The following GRIFIN variants were observed in gnomAD, a reference collection of about 807,000 sequenced individuals.
GRIFIN encodes galectin-related inter-fiber protein.
Under a neutral mutation model 18.2 loss-of-function variants are expected in GRIFIN, and 22 were observed. The observed-to-expected ratio is 1.21, with a 90% CI of 0.86 to 1.73. The LOEUF (loss-of-function observed/expected upper bound fraction) is 1.73, where lower values mean the gene tolerates loss of function less well. GRIFIN is among the 40% of genes most tolerant of loss of function. The pLI, the probability that GRIFIN is intolerant of heterozygous loss-of-function variation, is 0.00. For synonymous variants in GRIFIN, 101 were observed against 82.8 expected, an observed-to-expected ratio of 1.22 and a Z score of -1.19; for missense variants, 200 against 190.1, an observed-to-expected ratio of 1.05 and a Z score of -0.31.
intron 4 of GRIFIN, 123 bp from the exon 5 acceptor site, chr7:2,475,008 TG>T: frequency 9.6e-7 from 1 of 1,040,254 alleles, no homozygotes; most frequent in Non-Finnish European, 1.4e-6. Context: ...AGGAGCAGGG[TG>T]GGACGCCAGG....
At position 2,475,920 on chromosome 7, in the gene GRIFIN, CT is replaced by C. The variant is rs747443450; in HGVS notation, c.91del (p.Arg31GlyfsTer55). Reference protein sequence around the residue: ...VQGHADSGEDRFETNFLLETG... With the variant: ...VQGHADSGEDXFETNFLLETG... ...GCGAGGGGAGGGCGGTGCCGCTGAC[CT>C]GTCCTCTCCAGAGTCAGCATGTCCC... is the stretch of plus-strand genomic sequence containing the variant. On this transcript the variant is annotated frameshift_variant and splice_region_variant, in exon 2 of 5. Transcript: ENST00000614228. LOFTEE classifies it high-confidence loss of function. 3 of 1,598,230 alleles carry C rather than the reference CT, an allele frequency of 1.9e-6. No homozygotes were observed. In the Admixed American group the frequency reaches 5.0e-5, roughly 27 times the overall value.
rs747068094 is a variant in GRIFIN at position 2,475,816 on chromosome 7, G to C, written c.105C>G (p.Asn35Lys). The part of the protein sequence containing the change: ...ADSGEDRFET[N>K]FLLETGDIAF... ...CAATGTCCCCCGTCTCCAACAAGAA[G>C]TTAGTCTCGAACCTGGGGCGGACAT... The change falls in exon 3 of 5, where the codon AAC becomes AAG. Residue 35 changes from asparagine to lysine, a missense_variant. Transcript: ENST00000614228. The C allele has an allele frequency of 5.1e-6, 8 of 1,573,642 alleles. No individual in the cohort carries two copies. The highest frequency in any genetic ancestry group is 6.9e-6 in the Non-Finnish European group (8 of 1,161,182).
In GRIFIN at chr7:2,475,667, A is replaced by T; in HGVS notation, c.252+2T>A. ...CCCAGGCCCCACCCAGGCCCCTGTCACCTCAAAGGGCTCCCCCGGGGCCAG... is the reference window on the plus strand; with the variant it reads ...CCCAGGCCCCACCCAGGCCCCTGTCTCCTCAAAGGGCTCCCCCGGGGCCAG... On this transcript the variant is annotated splice_donor_variant, in intron 3 of 4. Coordinates refer to ENST00000614228, the MANE Select transcript of GRIFIN (RefSeq NM_001394787.1). LOFTEE classifies it high-confidence loss of function. The T allele has an allele frequency of 1.3e-6, 2 of 1,487,526 alleles. No homozygotes were observed. Among genetic ancestry groups the T allele is most frequent in the Non-Finnish European group, 1.8e-6 (2 of 1,118,760 alleles). 92.1% of individuals were successfully genotyped at this position (1,487,526 alleles called of 1,614,324 possible). A position where few individuals can be genotyped will look rare whatever the true frequency, so the allele number is the denominator to read the frequency against.
At position 2,475,707 on chromosome 7, in the gene GRIFIN, AC is replaced by A; in HGVS notation, c.213del (p.Ser72LeufsTer14). 1 of 1,544,360 alleles carries A rather than the reference AC, an allele frequency of 6.5e-7. No homozygotes were observed. The highest frequency in any genetic ancestry group is 8.7e-7 in the Non-Finnish European group (1 of 1,149,290). ...CCCGGGGCCAGCGGGAAGATGCTAG[AC>A]ACCTGCTCCGGGCCCCAGCGGCCGT... ...FQYGRWGPEQ[V>X]SSIFPLAPGE... On this transcript the variant is annotated frameshift_variant, in exon 3 of 5. Coordinates refer to ENST00000614228, the MANE Select transcript of GRIFIN (RefSeq NM_001394787.1). LOFTEE classifies it high-confidence loss of function.
rs541218857 is a variant in GRIFIN, at chr7:2,476,056, C to T, written c.13-57G>A. 15 of 1,325,586 alleles carry T rather than the reference C, an allele frequency of 1.1e-5. No homozygotes were observed. In the African/African-American group the frequency reaches 2.2e-4, roughly 20 times the overall value. 82.1% of individuals were successfully genotyped at this position (1,325,586 alleles called of 1,614,324 possible). A position where few individuals can be genotyped will look rare whatever the true frequency, so the allele number is the denominator to read the frequency against. ...TGGGGCTGCAGCCTCCTCCCTCCCA[C>T]CCCCACCCCCACCCTATCCCATCTG... is the stretch of plus-strand genomic sequence containing the variant. On this transcript the variant is annotated intron_variant, in intron 1 of 4. Transcript: ENST00000614228.
intron 1 of GRIFIN, 46 bp downstream of exon 1, chr7:2,476,326 C>T: frequency 6.5e-7 from 1 of 1,549,338 alleles, no homozygotes; most frequent in Non-Finnish European, 8.7e-7. Flanking sequence ...CAGGGAGCCC[C>T]CAGCCCTGCA....
intron 3 of GRIFIN, 33 bp downstream of exon 3, chr7:2,475,636 G>T: frequency 6.9e-7 from 1 of 1,450,048 alleles, no homozygotes. Flanking sequence ...GGCCTTCCCT[G>T]CCTAGCCCAG....
At position 2,474,960 on chromosome 7, in the gene GRIFIN, C is replaced by T. The variant is rs901346350; in HGVS notation, c.420-75G>A. 1.5e-5 allele frequency: 10 copies of T among 688,826 alleles called. 1 individual carries two copies. The South Asian group carries it at 1.8e-4, about 13-fold the overall frequency. 42.7% of individuals were successfully genotyped at this position (688,826 alleles called of 1,614,324 possible). Reference sequence around the variant, plus strand: ...ACCAGGGTGGGAGGTGGACCATGGCCCTGCTCCCGTGGCCGGATATGCAGG... The same window carrying T: ...ACCAGGGTGGGAGGTGGACCATGGCTCTGCTCCCGTGGCCGGATATGCAGG... On this transcript the variant is annotated intron_variant, in intron 4 of 4. Coordinates refer to ENST00000614228, the MANE Select transcript of GRIFIN (RefSeq NM_001394787.1).
chr7:2,474,929 G>T, intron 4 of GRIFIN, 44 bp from the exon 5 acceptor site: 1 of 619,966 alleles, frequency 1.6e-6, no homozygotes, highest in South Asian at 2.0e-5. Flanking sequence ...CCCTGCCCAT[G>T]CACAGACCAG....
Position 2,474,905 on chromosome 7 carries a change from G to A in GRIFIN, c.420-20C>T, listed in dbSNP as rs961123267. 1.0e-5 allele frequency: 6 copies of A among 575,422 alleles called. No homozygotes were observed. The highest frequency in any genetic ancestry group is 2.8e-5 in the East Asian group (1 of 35,768). 35.6% of individuals were successfully genotyped at this position (575,422 alleles called of 1,614,324 possible). On this transcript the variant is annotated intron_variant, in intron 4 of 4. Coordinates refer to ENST00000614228, the MANE Select transcript of GRIFIN (RefSeq NM_001394787.1). ...CGGTCCCTGCAAACATCCAAGGCAC[G>A]TCCCTAGCTCCTGCCCTGCCCATGC... is the stretch of plus-strand genomic sequence containing the variant.
At chr7:2,475,022 G>C in intron 4 of GRIFIN, 119 bp downstream of exon 4, 1 of 1,240,514 alleles carries the variant, frequency 8.1e-7, no homozygotes, top group Non-Finnish European at 1.1e-6. Context: ...ACGCCAGGCA[G>C]ACAACCCCTC....
intron 3 of GRIFIN, 119 bp downstream of exon 3, chr7:2,475,550 C>G: frequency 7.4e-7 from 1 of 1,352,240 alleles, no homozygotes; most frequent in Non-Finnish European, 9.8e-7. Context: ...GGAGGCCACC[C>G]AGACCTTGCC....
rs764566306 is a variant in GRIFIN, at chr7:2,476,350, C to G, written c.12+22G>C. Reference sequence around the variant, plus strand: ...CCCAGCCCTGCACCGTTCTCCTTCTCCAGGTCCAGGGTCTCACCCACCTGC... The same window carrying G: ...CCCAGCCCTGCACCGTTCTCCTTCTGCAGGTCCAGGGTCTCACCCACCTGC... On this transcript the variant is annotated intron_variant, in intron 1 of 4. Coordinates refer to ENST00000614228, the MANE Select transcript of GRIFIN (RefSeq NM_001394787.1). The G allele has an allele frequency of 1.8e-5, 29 of 1,571,722 alleles. No individual in the cohort carries two copies. The African/African-American group carries it at 3.5e-4, about 19-fold the overall frequency.
chr7:2,476,398 T>A lies in GRIFIN; in HGVS notation c.-15A>T. On this transcript the variant is annotated 5_prime_UTR_variant, in exon 1 of 5. Coordinates refer to ENST00000614228, the MANE Select transcript of GRIFIN (RefSeq NM_001394787.1). ...TGCACTGCCATCTGCTCCCAGCCAC[T>A]GTGGGAGGGCGCGGGGAGCCTGGGG... 2 of 1,530,858 alleles carry A rather than the reference T, an allele frequency of 1.3e-6. No homozygotes were observed. The highest frequency in any genetic ancestry group is 1.7e-6 in the Non-Finnish European group (2 of 1,144,144). 94.8% of individuals were successfully genotyped at this position (1,530,858 alleles called of 1,614,324 possible).
At chr7:2,476,165 G>T in intron 1 of GRIFIN, 166 bp from the exon 2 acceptor site, 1 of 367,296 alleles carries the variant, frequency 2.7e-6, no homozygotes, top group Non-Finnish European at 3.8e-6. Context: ...GTGTCTTTGT[G>T]ACAGGGTGAC....
At chr7:2,476,177 A>G (rs1251208505) in intron 1 of GRIFIN, 178 bp from the exon 2 acceptor site, 1 of 345,544 alleles carries the variant, frequency 2.9e-6, no homozygotes, top group Non-Finnish European at 4.1e-6. Context: ...CAGGGTGACC[A>G]GGGCTGGGGT....
Position 2,475,995 on chromosome 7 carries a change from T to G in GRIFIN, c.17A>C (p.Lys6Thr), listed in dbSNP as rs1189519004. ...GGCCAGGCCGCCCGCACAGAAGGCT[T>G]TAGACTGAGTGGAAGAGACAGGGGG... MAVQSKAFCAGGLAPG... is the reference protein window; with the variant it reads MAVQSTAFCAGGLAPG... Residue 6 changes from lysine to threonine, a missense_variant, in exon 2 of 5, where the codon AAA (lysine) becomes ACA (threonine). Transcript: ENST00000614228. 1 of 1,597,386 alleles carries G rather than the reference T, an allele frequency of 6.3e-7. No individual in the cohort carries two copies. The highest frequency in any genetic ancestry group is 1.1e-5 in the South Asian group (1 of 91,004).
Position 2,475,233 on chromosome 7 carries a change from A to G in GRIFIN, c.327T>C (p.Arg109=), listed in dbSNP as rs1778936942. 1.3e-6 allele frequency: 2 copies of G among 1,597,182 alleles called. No homozygotes were observed. The highest frequency in any genetic ancestry group is 1.7e-5 in the Admixed American group (1 of 59,790). The part of the protein sequence containing the change: ...PEHKVLQFPC[R]QRPLGATTRV... ...TGGTGGTGGCGCCCAGCGGCCTCTG[A>G]CGGCATGGGAACTGTAGCACCTTGT... The change falls in exon 4 of 5, where the codon CGT becomes CGC. Residue 109 remains arginine (R), a synonymous_variant. Coordinates refer to ENST00000614228, the MANE Select transcript of GRIFIN (RefSeq NM_001394787.1).
chr7:2,475,842 G>A lies in GRIFIN; in HGVS notation c.93-14C>T. ...TTAGTCTCGAACCTGGGGCGGACAT[G>A]GTGCGGGTCAAGAGCTGCAAAGAGC... On this transcript the variant is annotated splice_polypyrimidine_tract_variant and intron_variant, in intron 2 of 4. Transcript: ENST00000614228. 5 of 1,575,714 alleles carry A rather than the reference G, an allele frequency of 3.2e-6. No homozygotes were observed. In the South Asian group the frequency reaches 5.6e-5, roughly 18 times the overall value.
Sources: gnomAD v4.1 joint callset for allele counts on GRCh38, gnomAD v4.1.1 for gene constraint, MANE v1.5 for transcripts, NCBI Gene and HGNC (gene_info 2026-07-23, HGNC 2026-07-21) for gene names.